Variants in LYPD1 observed in about 807,000 individuals in gnomAD.
LYPD1 encodes the protein LY6/PLAUR domain containing 1.
LYPD1 carries 14 observed loss-of-function variants against 14.2 expected under a neutral mutation model. The observed-to-expected ratio is 0.99, with a 90% CI of 0.65 to 1.54. LYPD1 has a LOEUF of 1.54. Ranked by LOEUF, LYPD1 falls within the 40% of genes most tolerant of loss-of-function variation. The pLI, the probability that LYPD1 is intolerant of heterozygous loss-of-function variation, is 0.00. For missense variants in LYPD1, 165 were observed against 175.7 expected (o/e 0.94, Z 0.34); for synonymous variants, 85 against 70.6 (o/e 1.20, Z -1.02).
intron 2 of LYPD1, among the ~76,000 whole-genome samples, chr2:132,667,836 C>A (rs1180207594): frequency 6.6e-6 from 1 of 152,188 alleles, no homozygotes; most frequent in Non-Finnish European, 1.5e-5. Flanking sequence ...TTCTTCTCAG[C>A]TAGCCAGCAG....
chr2:132,645,077 T>C lies in LYPD1; in HGVS notation c.*968A>G, dbSNP rs1558870240. 1.2e-5 allele frequency: 19 copies of C among 1,591,112 alleles called. No homozygotes were observed. The highest frequency in any genetic ancestry group is 1.6e-5 in the Non-Finnish European group (19 of 1,167,530). ...GCTGTGTTTTTCTTTTCTCTGTCTC[T>C]CCCTCCTGCTCGTGTCTGCCCAGGG... On this transcript the variant is annotated 3_prime_UTR_variant, in exon 3 of 3. Transcript: ENST00000397463.
At position 132,644,230 on chromosome 2, in the gene LYPD1, A is replaced by C. The variant is rs1468382791; in HGVS notation, c.*1815T>G. Among the ~76,000 whole-genome samples the C allele has an allele frequency of 6.6e-6, 1 of 152,218 alleles. No individual in the cohort carries two copies. The highest frequency in any genetic ancestry group is 1.5e-5 in the Non-Finnish European group (1 of 68,034). ...TGGTTACTTAAGTTGGAATACAAAT[A>C]TGTGGGCATGCAAACAAATGTACAT... On this transcript the variant is annotated 3_prime_UTR_variant, in exon 3 of 3. Transcript: ENST00000397463.
chr2:132,665,442 A>G (rs1470310843), intron 2 of LYPD1, among the ~76,000 whole-genome samples: 1 of 152,200 alleles, frequency 6.6e-6, no homozygotes, highest in African/African-American at 2.4e-5. Context: ...TTCTTTTGAC[A>G]TCCACTTCAT....
intron 2 of LYPD1, among the ~76,000 whole-genome samples, chr2:132,650,638 C>G (rs1682324355): frequency 6.6e-6 from 1 of 151,646 alleles, no homozygotes; most frequent in Non-Finnish European, 1.5e-5. Flanking sequence ...GAAGATGATA[C>G]TGAGTTAAAA....
chr2:132,647,674 A>ATGAT (rs374395220), intron 2 of LYPD1, among the ~76,000 whole-genome samples: 3,428 of 152,258 alleles, frequency 0.023, 68 homozygotes, highest in South Asian at 0.065. Flanking sequence ...TTTTGGATAG[A>ATGAT]TGATAGTGTT....
chr2:132,649,124 A>G (rs1039791464), intron 2 of LYPD1, among the ~76,000 whole-genome samples: 1 of 152,190 alleles, frequency 6.6e-6, no homozygotes, highest in Non-Finnish European at 1.5e-5. Flanking sequence ...AGCTTTGGAG[A>G]CATTCAAGAA....
In LYPD1 at chr2:132,645,729, A is replaced by C; in HGVS notation, c.*316T>G. The C allele has an allele frequency of 1.5e-6, 2 of 1,333,076 alleles. No homozygotes were observed. The highest frequency in any genetic ancestry group is 2.0e-6 in the Non-Finnish European group (2 of 987,484). The allele number at this position is 1,333,076 out of a possible 1,614,324, so 82.6% of individuals were successfully genotyped here. On this transcript the variant is annotated 3_prime_UTR_variant, in exon 3 of 3. Transcript: ENST00000397463. ...GGAATGGACACTGGAGGCTTTACAAAAGGCAGATGCCCACCTCAGTGACTT... is the reference window on the plus strand; with the variant it reads ...GGAATGGACACTGGAGGCTTTACAACAGGCAGATGCCCACCTCAGTGACTT...
rs1681922982 is a variant in LYPD1, at chr2:132,643,852, AT to A, written c.*2192del. Among the ~76,000 whole-genome samples the A allele has an allele frequency of 2.6e-5, 4 of 152,354 alleles. No homozygotes were observed. The South Asian group carries it at 8.3e-4, about 32-fold the overall frequency. ...ATTAATAGAATATTTACCATGGGTC[AT>A]AGGCAGGAAGCATTCATTGCCAACT... On this transcript the variant is annotated 3_prime_UTR_variant, in exon 3 of 3. Transcript: ENST00000397463.
rs1052925695 is a variant in LYPD1, at chr2:132,643,730, G to C, written c.*2315C>G. ...AGATGGGGTCTTGCTATGTTGCCTAGGTGGGTCTCAAATTTCTAGGCTTAA... is the reference window on the plus strand; with the variant it reads ...AGATGGGGTCTTGCTATGTTGCCTACGTGGGTCTCAAATTTCTAGGCTTAA... On this transcript the variant is annotated 3_prime_UTR_variant, in exon 3 of 3. Transcript: ENST00000397463. Among the ~76,000 whole-genome samples the C allele has an allele frequency of 6.6e-6, 1 of 152,136 alleles. No individual in the cohort carries two copies. Among genetic ancestry groups the C allele is most frequent in the African/African-American group, 2.4e-5 (1 of 41,438 alleles).
chr2:132,645,290 A>C lies in LYPD1; in HGVS notation c.*755T>G, dbSNP rs1315720909. Reference sequence around the variant, plus strand: ...CCGCTCCTGTACACGGTGTCCTCGCAGCAGTTTCGGCGGGTGTTCGTGCAG... The same window carrying C: ...CCGCTCCTGTACACGGTGTCCTCGCCGCAGTTTCGGCGGGTGTTCGTGCAG... On this transcript the variant is annotated 3_prime_UTR_variant, in exon 3 of 3. Coordinates refer to ENST00000397463, the MANE Select transcript of LYPD1 (RefSeq NM_144586.7). 6.2e-7 allele frequency: 1 copy of C among 1,614,030 alleles called. No individual in the cohort carries two copies.
chr2:132,653,889 T>C (rs1285627867), intron 2 of LYPD1, among the ~76,000 whole-genome samples: 1 of 152,112 alleles, frequency 6.6e-6, no homozygotes, highest in African/African-American at 2.4e-5. Flanking sequence ...TGAGGGACAG[T>C]GTACAAAAAT....
rs1247324439 is a variant in LYPD1, at chr2:132,645,765, A to G, written c.*280T>C. On this transcript the variant is annotated 3_prime_UTR_variant, in exon 3 of 3. Transcript: ENST00000397463. ...CCACCTCAGTGACTTCTAAGGACTG[A>G]CTCTGCCAGCCTGGCCTTGACTCCG... The G allele has an allele frequency of 9.5e-7, 1 of 1,052,762 alleles. No individual in the cohort carries two copies. The highest frequency in any genetic ancestry group is 2.6e-5 in the East Asian group (1 of 38,498). 65.2% of individuals were successfully genotyped at this position (1,052,762 alleles called of 1,614,324 possible).
chr2:132,670,158 T>C lies in LYPD1; in HGVS notation c.-226A>G. ...GGGTCTCTGCTCCTCCCGCTCGCGC[T>C]CCCGGGCCGAGCACCGCGCCTCCGG... On this transcript the variant is annotated 5_prime_UTR_variant, in exon 1 of 3. Transcript: ENST00000397463. This position sits in a 1 kb window ranked among gnomAD's most constrained non-coding sequence, Gnocchi z 4.5. The C allele has an allele frequency of 5.2e-6, 7 of 1,351,122 alleles. No individual in the cohort carries two copies. Among genetic ancestry groups the C allele is most frequent in the Non-Finnish European group, 6.6e-6 (7 of 1,055,830 alleles). The allele number at this position is 1,351,122 out of a possible 1,614,324, so 83.7% of individuals were successfully genotyped here. A position where few individuals can be genotyped will look rare whatever the true frequency, so the allele number is the denominator to read the frequency against.
intron 2 of LYPD1, among the ~76,000 whole-genome samples, chr2:132,658,857 G>A (rs1356465096): frequency 6.6e-6 from 1 of 152,200 alleles, no homozygotes; most frequent in Non-Finnish European, 1.5e-5. Flanking sequence ...TGATGACCAA[G>A]GCTGAATTCC....
chr2:132,643,856 GCA>G lies in LYPD1; in HGVS notation c.*2187_*2188del, dbSNP rs1681923407. Among the ~76,000 whole-genome samples the G allele has an allele frequency of 2.6e-5, 4 of 152,310 alleles. No homozygotes were observed. In the South Asian group the frequency reaches 8.3e-4, roughly 32 times the overall value. On this transcript the variant is annotated 3_prime_UTR_variant, in exon 3 of 3. Transcript: ENST00000397463. Reference sequence around the variant, plus strand: ...ATAGAATATTTACCATGGGTCATAGGCAGGAAGCATTCATTGCCAACTGTCAC... The same window carrying G: ...ATAGAATATTTACCATGGGTCATAGGGGAAGCATTCATTGCCAACTGTCAC...
intron 2 of LYPD1, 110 bp downstream of exon 2, chr2:132,668,290 G>A (rs1683399533): frequency 3.8e-6 from 5 of 1,329,438 alleles, no homozygotes; most frequent in Non-Finnish European, 4.1e-6. Context: ...GATAACCAGT[G>A]TGTGGGCATT....
At chr2:132,646,312 C>A in intron 2 of LYPD1, 32 bp from the exon 3 acceptor site, 1 of 1,373,968 alleles carries the variant, frequency 7.3e-7, no homozygotes, top group Non-Finnish European at 9.6e-7. Context: ...GCTGAGTTAA[C>A]GTGCACCGGC....
Position 132,669,920 on chromosome 2 carries a change from C to T in LYPD1, c.13G>A (p.Gly5Ser). 6.2e-7 allele frequency: 1 copy of T among 1,612,782 alleles called. No individual in the cohort carries two copies. Among genetic ancestry groups the T allele is most frequent in the African/African-American group, 1.3e-5 (1 of 74,908 alleles). MWVLGIAATFCGLFL... is the reference protein window; with the variant it reads MWVLSIAATFCGLFL... ...AATCCGCAAAAAGTTGCCGCGATGC[C>T]TAGGACCCACATTCTCCCGGAGTCC... Residue 5 changes from glycine (G) to serine (S), a missense_variant, in exon 1 of 3, where the codon GGC becomes AGC. Coordinates refer to ENST00000397463, the MANE Select transcript of LYPD1 (RefSeq NM_144586.7). The surrounding 1 kb of genome is among the most constrained non-coding windows in gnomAD (Gnocchi z 4.3).
At chr2:132,652,502 A>G (rs977560079) in intron 2 of LYPD1, among the ~76,000 whole-genome samples, 1 of 152,158 alleles carries the variant, frequency 6.6e-6, no homozygotes, top group African/African-American at 2.4e-5. Context: ...CTCTGATCTT[A>G]GTTAACGCAG....
Sources: gnomAD v4.1 joint callset for allele counts (sites outside exome capture counted in the v4.1 genomes callset) on GRCh38, gnomAD v4.1.1 for gene constraint, Gnocchi (gnomAD v3.1) non-coding constraint, MANE v1.5 for transcripts, NCBI Gene and HGNC (gene_info 2026-07-23, HGNC 2026-07-21) for gene names.